Variants in CDKAL1 observed in about 807,000 individuals in gnomAD.
CDKAL1 encodes threonylcarbamoyladenosine tRNA methylthiotransferase.
Under a neutral mutation model 68.2 loss-of-function variants are expected in CDKAL1, and 32 were observed. That is an observed-to-expected ratio of 0.47 (90% CI 0.35 to 0.63). The LOEUF (loss-of-function observed/expected upper bound fraction) is 0.63, where lower values mean the gene tolerates loss of function less well. Ranked by LOEUF, CDKAL1 falls within the 30% of genes least tolerant of loss-of-function variation. The pLI is 0.00. For synonymous variants in CDKAL1, 234 were observed against 244.3 expected (o/e 0.96, Z 0.39); for missense variants, 606 against 696.7 (o/e 0.87, Z 1.47).
intron 8 of CDKAL1, among the ~76,000 whole-genome samples, chr6:20,821,636 G>C (rs111760978): frequency 3.5e-3 from 1 of 286 alleles, no homozygotes; most frequent in Non-Finnish European, 6.8e-3. Flanking sequence ...CAGATGCTTT[G>C]GAACAGAGCC....
chr6:21,092,499 C>A (rs1460979582), intron 12 of CDKAL1, among the ~76,000 whole-genome samples: 1 of 151,864 alleles, frequency 6.6e-6, no homozygotes, highest in Non-Finnish European at 1.5e-5. Context: ...CTCCCACTTA[C>A]GAGTGAGAAC....
chr6:20,971,902 C>A (rs1396033681), intron 10 of CDKAL1, among the ~76,000 whole-genome samples: 1 of 152,070 alleles, frequency 6.6e-6, no homozygotes, highest in African/African-American at 2.4e-5. Flanking sequence ...CTTGATGTGA[C>A]CTTGAATTAA....
chr6:20,788,691 T>C (rs1775774663), intron 8 of CDKAL1, among the ~76,000 whole-genome samples: 1 of 152,210 alleles, frequency 6.6e-6, no homozygotes, highest in Admixed American at 6.5e-5. Flanking sequence ...CAAATCTTGA[T>C]GCTGCTGTAT....
At chr6:20,972,001 A>G (rs1417150972) in intron 10 of CDKAL1, among the ~76,000 whole-genome samples, 1 of 152,176 alleles carries the variant, frequency 6.6e-6, no homozygotes, top group Admixed American at 6.6e-5. Context: ...TGACAGTGGC[A>G]TATCATTTCT....
chr6:20,612,304 T>G (rs1387059598), intron 4 of CDKAL1, among the ~76,000 whole-genome samples: 1 of 152,212 alleles, frequency 6.6e-6, no homozygotes, highest in East Asian at 1.9e-4. Context: ...GTAGTTCTAT[T>G]TGTAGTTTTT....
At chr6:21,024,802 G>C (rs1189029788) in intron 11 of CDKAL1, among the ~76,000 whole-genome samples, 3 of 152,098 alleles carry the variant, frequency 2.0e-5, no homozygotes, top group Non-Finnish European at 2.9e-5. Context: ...TGGGCACATG[G>C]GAACTGCTTT....
intron 4 of CDKAL1, among the ~76,000 whole-genome samples, chr6:20,562,735 C>T (rs1764316474): frequency 6.6e-6 from 1 of 150,616 alleles, no homozygotes; most frequent in South Asian, 2.1e-4. Context: ...GAGTGAGACT[C>T]CATCTTAAAA....
chr6:21,170,891 T>C (rs989876773), intron 13 of CDKAL1, among the ~76,000 whole-genome samples: 4 of 152,202 alleles, frequency 2.6e-5, no homozygotes, highest in African/African-American at 9.7e-5. Context: ...TACAGCCCTG[T>C]CATTAATCAG....
At chr6:20,685,918 C>A (rs1389633407) in intron 5 of CDKAL1, among the ~76,000 whole-genome samples, 2 of 151,910 alleles carry the variant, frequency 1.3e-5, no homozygotes, top group African/African-American at 4.8e-5. Flanking sequence ...AGATCATGTA[C>A]CTATTTTGTT....
At chr6:20,542,138 A>G (rs978611738) in intron 2 of CDKAL1, among the ~76,000 whole-genome samples, 4 of 152,248 alleles carry the variant, frequency 2.6e-5, no homozygotes, top group Non-Finnish European at 5.9e-5. Context: ...GCTGTAATGA[A>G]TACATTACAG....
intron 8 of CDKAL1, among the ~76,000 whole-genome samples, chr6:20,830,863 G>A (rs1290144878): frequency 1.3e-5 from 2 of 151,970 alleles, no homozygotes; most frequent in Admixed American, 6.6e-5. Flanking sequence ...TGAATCACTT[G>A]GTCTGCATTT....
intron 15 of CDKAL1, among the ~76,000 whole-genome samples, chr6:21,209,923 T>C (rs1266093855): frequency 6.6e-6 from 1 of 152,208 alleles, no homozygotes; most frequent in African/African-American, 2.4e-5. Context: ...CCCCTTCACA[T>C]GTCTTTACCT....
Position 21,012,986 on chromosome 6 carries a change from C to T in CDKAL1, c.1055+12614C>T, listed in dbSNP as rs116833874. Among the ~76,000 whole-genome samples, 794 of 152,264 alleles carry T rather than the reference C, an allele frequency of 5.2e-3. 2 individuals are homozygous for T. Among genetic ancestry groups the T allele is most frequent in the Middle Eastern group, 0.02 (6 of 294 alleles). On this transcript the variant is annotated intron_variant, in intron 11 of 15. Transcript: ENST00000274695. ...ACTATAGGCAAAGGTCTTAACTGGACGTAGTTTTGAACCTAAAGACCCTGT... is the reference window on the plus strand; with the variant it reads ...ACTATAGGCAAAGGTCTTAACTGGATGTAGTTTTGAACCTAAAGACCCTGT...
chr6:20,868,857 T>C (rs1305386680), intron 9 of CDKAL1, among the ~76,000 whole-genome samples: 1 of 152,196 alleles, frequency 6.6e-6, no homozygotes, highest in East Asian at 1.9e-4. Flanking sequence ...TGCAGAGGTG[T>C]ATGAAAATGA....
At chr6:21,003,551 G>C (rs1318862335) in intron 11 of CDKAL1, among the ~76,000 whole-genome samples, 1 of 150,718 alleles carries the variant, frequency 6.6e-6, no homozygotes. Flanking sequence ...GGGTGACAGA[G>C]TGAGACTCCA....
At position 21,081,748 on chromosome 6, in the gene CDKAL1, T is replaced by C. The variant is rs1582159464; in HGVS notation, c.1236+16520T>C. 2.0e-5 allele frequency among the ~76,000 whole-genome samples: 3 copies of C among 148,096 alleles called. No individual in the cohort carries two copies. The South Asian group carries it at 6.4e-4, about 32-fold the overall frequency. ...CACCACACCTGGCTAATTTTTGTAT[T>C]TTTTTTTTTAGTAAAGATGGGGTTT... On this transcript the variant is annotated intron_variant, in intron 12 of 15. Transcript: ENST00000274695.
At chr6:21,017,955 G>A (rs2150854542) in intron 11 of CDKAL1, among the ~76,000 whole-genome samples, 1 of 152,198 alleles carries the variant, frequency 6.6e-6, no homozygotes, top group African/African-American at 2.4e-5. Flanking sequence ...GTTACCAATA[G>A]GAATTTGACA....
rs553193634 is a variant in CDKAL1 at position 20,636,200 on chromosome 6, C to A, written c.287-13093C>A. ...AGACCTTCCTGCTTCTGCTATTTTT[C>A]AGATCTCTTCCATTTAAAATACTCA... On this transcript the variant is annotated intron_variant, in intron 4 of 15. Coordinates refer to ENST00000274695, the MANE Select transcript of CDKAL1 (RefSeq NM_017774.3). Among the ~76,000 whole-genome samples the A allele has an allele frequency of 8.5e-5, 13 of 152,204 alleles. No individual in the cohort carries two copies. The South Asian group carries it at 2.5e-3, about 29-fold the overall frequency.
chr6:20,685,083 A>C (rs1770557282), intron 5 of CDKAL1, among the ~76,000 whole-genome samples: 2 of 152,150 alleles, frequency 1.3e-5, no homozygotes, highest in Admixed American at 6.5e-5. Flanking sequence ...TGTCAAACCT[A>C]AGGGCATCTA....
Sources: allele counts gnomAD v4.1 joint callset (sites outside exome capture counted in the v4.1 genomes callset), GRCh38; gene constraint gnomAD v4.1.1; transcripts MANE v1.5; gene names NCBI Gene and HGNC (gene_info 2026-07-23, HGNC 2026-07-21).